The following EYS variants were observed in gnomAD, a reference collection of about 807,000 sequenced individuals.
The protein encoded by EYS is EGF-like photoreceptor maintenance factor, also known as protein eyes shut homolog.
EYS carries 250 observed loss-of-function variants against 282.1 expected under a neutral mutation model. The ratio of observed to expected loss-of-function variants is 0.89; its 90% CI spans 0.80 to 0.98. The LOEUF is 0.98. Among genes scored for constraint, EYS ranks in the 50% least tolerant of loss-of-function variants. EYS has a pLI of 0.00. For synonymous variants in EYS, 1,355 were observed against 1,282.9 expected, an observed-to-expected ratio of 1.06 and a Z score of -1.20; for missense variants, 4,016 against 3,709.0, an observed-to-expected ratio of 1.08 and a Z score of -2.15.
intron 5 of EYS, among the ~76,000 whole-genome samples, chr6:65,459,377 A>G (rs1764736989): frequency 6.6e-6 from 1 of 152,118 alleles, no homozygotes; most frequent in African/African-American, 2.4e-5. Context: ...CATTATCTGT[A>G]TATTATTTTG....
chr6:64,783,487 C>T (rs964402248), intron 22 of EYS, among the ~76,000 whole-genome samples: 7 of 151,926 alleles, frequency 4.6e-5, no homozygotes, highest in African/African-American at 1.7e-4. Context: ...TCATTATGTG[C>T]TAAAGGAAAA....
chr6:64,453,838 C>T (rs895788523), intron 26 of EYS, among the ~76,000 whole-genome samples: 11 of 152,146 alleles, frequency 7.2e-5, no homozygotes, highest in African/African-American at 2.6e-4. Context: ...AGGGGAACAT[C>T]ACACACCGGG....
chr6:64,134,316 G>A (rs1774088034), intron 31 of EYS, among the ~76,000 whole-genome samples: 2 of 151,844 alleles, frequency 1.3e-5, no homozygotes, highest in Admixed American at 1.3e-4. Context: ...TAATAAAGCT[G>A]GTGGAATAGA....
At chr6:63,757,321 A>G (rs1769514707) in intron 41 of EYS, among the ~76,000 whole-genome samples, 1 of 152,030 alleles carries the variant, frequency 6.6e-6, no homozygotes, top group South Asian at 2.1e-4. Context: ...CAGGCTTACT[A>G]GGGTGGGGAA....
At chr6:64,885,277 T>C (rs1269201632) in intron 19 of EYS, among the ~76,000 whole-genome samples, 1 of 151,736 alleles carries the variant, frequency 6.6e-6, no homozygotes, top group Non-Finnish European at 1.5e-5. Context: ...ACATCTTAGA[T>C]AATATCATTT....
At chr6:65,282,231 A>G (rs191594048) in intron 12 of EYS, among the ~76,000 whole-genome samples, 1 of 152,200 alleles carries the variant, frequency 6.6e-6, no homozygotes, top group East Asian at 1.9e-4. Context: ...TACATTTCAA[A>G]TGTTCTCATC....
intron 5 of EYS, among the ~76,000 whole-genome samples, chr6:65,432,224 G>A (rs1463709185): frequency 1.3e-5 from 2 of 152,052 alleles, no homozygotes; most frequent in Non-Finnish European, 2.9e-5. Flanking sequence ...GTTTTTGGAA[G>A]TTAATTATTT....
At chr6:64,391,294 G>C (rs1351183336) in intron 28 of EYS, among the ~76,000 whole-genome samples, 1 of 151,428 alleles carries the variant, frequency 6.6e-6, no homozygotes, top group Non-Finnish European at 1.5e-5. Flanking sequence ...GATACTCCTC[G>C]AGAAGAGCAA....
At chr6:65,006,085 A>T (rs1771642003) in intron 13 of EYS, among the ~76,000 whole-genome samples, 1 of 152,040 alleles carries the variant, frequency 6.6e-6, no homozygotes, top group Admixed American at 6.6e-5. Flanking sequence ...AGGGAGTCTT[A>T]TCCCTGTTAT....
intron 22 of EYS, among the ~76,000 whole-genome samples, chr6:64,763,714 A>C (rs1773234659): frequency 6.6e-6 from 1 of 152,178 alleles, no homozygotes; most frequent in Non-Finnish European, 1.5e-5. Flanking sequence ...ATCTGAGACA[A>C]AACAAATCCC....
At chr6:65,442,901 T>A (rs1233405030) in intron 5 of EYS, among the ~76,000 whole-genome samples, 1 of 117,684 alleles carries the variant, frequency 8.5e-6, no homozygotes, top group Non-Finnish European at 2.1e-5. Flanking sequence ...CATATATGTA[T>A]ATATACATGC....
intron 33 of EYS, among the ~76,000 whole-genome samples, chr6:64,053,232 A>G (rs1770872743): frequency 6.6e-6 from 1 of 152,106 alleles, no homozygotes; most frequent in Non-Finnish European, 1.5e-5. Flanking sequence ...TATTGTGTGA[A>G]ATTTCTAATA....
chr6:64,834,107 C>T (rs1468877935), intron 19 of EYS, among the ~76,000 whole-genome samples: 1 of 151,808 alleles, frequency 6.6e-6, no homozygotes, highest in Non-Finnish European at 1.5e-5. Context: ...AAGAGAAACC[C>T]TTTGGGAAAA....
intron 26 of EYS, among the ~76,000 whole-genome samples, chr6:64,543,169 T>G (rs1167758940): frequency 6.6e-6 from 1 of 152,150 alleles, no homozygotes; most frequent in Non-Finnish European, 1.5e-5. Context: ...TAGCTTTAAG[T>G]TTCAAAGGAG....
intron 12 of EYS, among the ~76,000 whole-genome samples, chr6:65,182,518 T>C (rs982335049): frequency 2.6e-5 from 4 of 151,722 alleles, no homozygotes; most frequent in African/African-American, 9.7e-5. Context: ...CGTCACTGCA[T>C]TTAGTGCATT....
chr6:65,508,095 T>TAA (rs1414220097), intron 2 of EYS, among the ~76,000 whole-genome samples: 3 of 152,100 alleles, frequency 2.0e-5, no homozygotes, highest in Non-Finnish European at 4.4e-5. Flanking sequence ...GCTTTGGCTT[T>TAA]ATTTAGAGTT....
At chr6:63,909,960 G>A (rs1282083157) in intron 35 of EYS, among the ~76,000 whole-genome samples, 1 of 152,120 alleles carries the variant, frequency 6.6e-6, no homozygotes, top group Admixed American at 6.5e-5. Flanking sequence ...TAAAAATGAG[G>A]GAGGATGACA....
chr6:65,051,269 G>A (rs1301487029), intron 13 of EYS, among the ~76,000 whole-genome samples: 1 of 151,446 alleles, frequency 6.6e-6, no homozygotes, highest in Non-Finnish European at 1.5e-5. Flanking sequence ...TGTTTTAACA[G>A]TGATATATGC....
chr6:65,374,070 T>A (rs999620170), intron 8 of EYS, among the ~76,000 whole-genome samples: 5 of 152,198 alleles, frequency 3.3e-5, no homozygotes, highest in Non-Finnish European at 7.3e-5. Flanking sequence ...TTTTTGACAG[T>A]TTGGATTACC....
Sources: gnomAD v4.1 joint callset for allele counts (sites outside exome capture counted in the v4.1 genomes callset) on GRCh38, gnomAD v4.1.1 for gene constraint, MANE v1.5 for transcripts, NCBI Gene and HGNC (gene_info 2026-07-23, HGNC 2026-07-21) for gene names.